Variants in ABCD2 observed in about 807,000 individuals in gnomAD.
ABCD2 encodes the protein ATP-binding cassette sub-family D member 2.
In ABCD2, 36 loss-of-function variants were observed where a neutral mutation model predicts 70.9. The observed-to-expected ratio is 0.51, with a 90% CI of 0.39 to 0.67. The LOEUF is 0.67. Among genes scored for constraint, ABCD2 ranks in the 30% least tolerant of loss-of-function variants. The pLI is 0.00. For missense variants in ABCD2, 729 were observed against 890.2 expected, an observed-to-expected ratio of 0.82 and a Z score of 2.30; for synonymous variants, 304 against 306.9, an observed-to-expected ratio of 0.99 and a Z score of 0.10.
At chr12:39,561,845 C>A (rs1025676927) in intron 9 of ABCD2, among the ~76,000 whole-genome samples, 1 of 152,138 alleles carries the variant, frequency 6.6e-6, no homozygotes, top group Non-Finnish European at 1.5e-5. Context: ...ATGGATCTAA[C>A]AAACATTTAT....
At chr12:39,537,164 T>G in the ABCD2 span, among the ~76,000 whole-genome samples, 4 of 152,052 alleles carry the variant, frequency 2.6e-5, no homozygotes, top group African/African-American at 9.7e-5. Context: ...GACACACACA[T>G]GCATTGCACC....
chr12:39,579,699 T>G, intron 7 of ABCD2, 80 bp from the exon 8 acceptor site: 4 of 1,115,636 alleles, frequency 3.6e-6, no homozygotes, highest in Non-Finnish European at 5.1e-6. Context: ...AAGTGATTCC[T>G]GACAAATTCA....
At chr12:39,595,975 C>G (rs182025876) in intron 6 of ABCD2, among the ~76,000 whole-genome samples, 1 of 152,092 alleles carries the variant, frequency 6.6e-6, no homozygotes, top group African/African-American at 2.4e-5. Flanking sequence ...GTGCAGCAAA[C>G]GAGTAAGGAC....
the ABCD2 span, among the ~76,000 whole-genome samples, chr12:39,535,640 C>T: frequency 1.3e-5 from 2 of 151,994 alleles, no homozygotes; most frequent in South Asian, 2.1e-4. Context: ...TAACATTCAA[C>T]GAATTGAAAT....
chr12:39,619,189 A>G lies in ABCD2; in HGVS notation c.427T>C (p.Phe143Leu), dbSNP rs185807859. 2 of 1,614,172 alleles carry G rather than the reference A, an allele frequency of 1.2e-6. No homozygotes were observed. Among genetic ancestry groups the G allele is most frequent in the Non-Finnish European group, 8.5e-7 (1 of 1,180,030 alleles). ...AGCCACTTGATTAATTTGATGATGA[A>G]AGTCCGAGGCTTCTTTTCCACAATG... is the stretch of plus-strand genomic sequence containing the variant. Reference protein sequence around the residue: ...KSIVEKKPRTFIIKLIKWLMI... With the variant: ...KSIVEKKPRTLIIKLIKWLMI... The change falls in exon 1 of 10, where the codon TTC (phenylalanine) becomes CTC (leucine). Residue 143 changes from phenylalanine to leucine, a missense_variant. Physicochemically the swap from Phe to Leu is conservative, Grantham distance 22 (BLOSUM62 0). Around this residue, in one of 3 missense-constraint regions of ABCD2, gnomAD observed 245 missense variants for 261.2 expected, o/e 0.94. Transcript: ENST00000308666.
At chr12:39,614,066 G>A (rs1942082516) in intron 2 of ABCD2, among the ~76,000 whole-genome samples, 1 of 152,108 alleles carries the variant, frequency 6.6e-6, no homozygotes, top group African/African-American at 2.4e-5. Context: ...CTTGTTCTAA[G>A]TTTCACATAT....
rs1942165925 is a variant in ABCD2, at chr12:39,619,523, A to G, written c.93T>C (p.Tyr31=). 1 of 1,612,040 alleles carries G rather than the reference A, an allele frequency of 6.2e-7. No homozygotes were observed. The highest frequency in any genetic ancestry group is 1.3e-5 in the African/African-American group (1 of 74,884). Residue 31 remains tyrosine (Y), a synonymous_variant, in exon 1 of 10, where the codon TAT becomes TAC. Coordinates refer to ENST00000308666, the MANE Select transcript of ABCD2 (RefSeq NM_005164.4). The part of the protein sequence containing the change: ...KRAACLVAAA[Y]ALKTLYPIIG... ...TGATGGGATAGAGGGTTTTCAGAGCATATGCCGCAGCCACCAGGCAGGCAG... is the reference window on the plus strand; with the variant it reads ...TGATGGGATAGAGGGTTTTCAGAGCGTATGCCGCAGCCACCAGGCAGGCAG...
chr12:39,563,962 A>C (rs776116868), intron 9 of ABCD2, among the ~76,000 whole-genome samples: 2 of 152,084 alleles, frequency 1.3e-5, no homozygotes, highest in African/African-American at 2.4e-5. Context: ...TGTACTCATC[A>C]TTTTTTATGG....
chr12:39,582,809 G>T (rs931298687), intron 7 of ABCD2, among the ~76,000 whole-genome samples: 1 of 151,242 alleles, frequency 6.6e-6, no homozygotes, highest in Non-Finnish European at 1.5e-5. Context: ...ATCACACAAA[G>T]ACAAAGTACA....
intron 6 of ABCD2, among the ~76,000 whole-genome samples, chr12:39,594,847 G>A (rs7133154): frequency 0.037 from 5,560 of 152,156 alleles, 324 homozygotes; most frequent in African/African-American, 0.12. Flanking sequence ...CGTGGTGGGC[G>A]CCTGTAATCC....
At chr12:39,616,131 A>G (rs1165684713) in intron 2 of ABCD2, among the ~76,000 whole-genome samples, 1 of 152,180 alleles carries the variant, frequency 6.6e-6, no homozygotes, top group Non-Finnish European at 1.5e-5. Context: ...ACTCTGTTTC[A>G]CTACAAAGCC....
chr12:39,554,338 TA>T (rs1449077393), intron 9 of ABCD2, among the ~76,000 whole-genome samples: 10 of 152,258 alleles, frequency 6.6e-5, no homozygotes, highest in South Asian at 4.1e-4. Flanking sequence ...AAAATATTAT[TA>T]TTTTTTTCAT....
chr12:39,542,753 A>G, the ABCD2 span, among the ~76,000 whole-genome samples: 2 of 152,256 alleles, frequency 1.3e-5, no homozygotes, highest in Admixed American at 1.3e-4. Context: ...GTTTATGAAA[A>G]GGGACAAAGT....
intron 2 of ABCD2, among the ~76,000 whole-genome samples, chr12:39,610,709 C>T (rs1387398961): frequency 6.6e-6 from 1 of 152,158 alleles, no homozygotes; most frequent in African/African-American, 2.4e-5. Context: ...TTCTGTCTTG[C>T]TTTGGCAGAT....
In ABCD2 at chr12:39,617,105, A is replaced by G; in HGVS notation, c.1003T>C (p.Ser335Pro). 6.2e-7 allele frequency: 1 copy of G among 1,612,726 alleles called. No homozygotes were observed. ...ALADQMNLIL[S>P]KRLWYIMIEQ... ...ATCATGATGTACCACAAACGTTTGG[A>G]TAAAATGAGGTTCATCTGATCTGCT... The change falls in exon 2 of 10, where the codon TCC becomes CCC. Residue 335 changes from serine (S) to proline (P), a missense_variant. By Grantham distance (74) the Ser-to-Pro change is moderately conservative. Transcript: ENST00000308666.
At chr12:39,612,481 A>G (rs1417256915) in intron 2 of ABCD2, among the ~76,000 whole-genome samples, 1 of 152,224 alleles carries the variant, frequency 6.6e-6, no homozygotes, top group Non-Finnish European at 1.5e-5. Context: ...ATAAAAGAGT[A>G]TGTATTATAT....
At chr12:39,548,550 TATATTAGCTTTCCATAAG>T (rs1389412303), downstream of ABCD2, among the ~76,000 whole-genome samples, 1 of 151,966 alleles carries the variant, frequency 6.6e-6, no homozygotes, top group Non-Finnish European at 1.5e-5. Context: ...AAGGTCTCAT[TATATTAGCTTTCCATAAG>T]CTGTCACCTG....
chr12:39,535,194 C>A, the ABCD2 span, among the ~76,000 whole-genome samples: 3 of 152,098 alleles, frequency 2.0e-5, no homozygotes, highest in Non-Finnish European at 4.4e-5. Flanking sequence ...CTCTCCCTGA[C>A]CACATTTGGA....
the ABCD2 span, among the ~76,000 whole-genome samples, chr12:39,532,186 G>A: frequency 6.6e-6 from 1 of 152,182 alleles, no homozygotes. Flanking sequence ...GCTCATGTGG[G>A]TGGAGATGAA....
Sources: gnomAD v4.1 joint callset for allele counts (sites outside exome capture counted in the v4.1 genomes callset) on GRCh38, gnomAD v4.1.1 for gene constraint, gnomAD v4.1.1 regional missense constraint, MANE v1.5 for transcripts, NCBI Gene and HGNC (gene_info 2026-07-23, HGNC 2026-07-21) for gene names.